ZNF257: variants seen among roughly 807,000 people sequenced by gnomAD.
The protein encoded by ZNF257 is bone marrow zinc finger 4.
ZNF257 carries 12 observed loss-of-function variants against 11.9 expected under a neutral mutation model. That is an observed-to-expected ratio of 1.01 (90% CI 0.65 to 1.63). The LOEUF (loss-of-function observed/expected upper bound fraction) is 1.63, where lower values mean the gene tolerates loss of function less well. ZNF257 is among the 40% of genes most tolerant of loss of function. ZNF257 has a pLI of 0.00. For synonymous variants in ZNF257, 183 were observed against 222.7 expected (o/e 0.82, Z 1.59); for missense variants, 580 against 665.5 (o/e 0.87, Z 1.41).
At chr19:22,067,429 C>A (rs1244053149) in intron 1 of ZNF257, among the ~76,000 whole-genome samples, 1 of 152,046 alleles carries the variant, frequency 6.6e-6, no homozygotes, top group Non-Finnish European at 1.5e-5. Context: ...CCATCCAGAG[C>A]CTAAATCTGC....
chr19:22,059,896 CTTTTTCTAT>C (rs972133500), intron 1 of ZNF257, among the ~76,000 whole-genome samples: 5 of 150,628 alleles, frequency 3.3e-5, no homozygotes, highest in African/African-American at 1.2e-4. Flanking sequence ...TAATTTTTTT[CTTTTTCTAT>C]TTTTTGTAGA....
intron 3 of ZNF257, among the ~76,000 whole-genome samples, chr19:22,085,523 T>A (rs1466093798): frequency 6.6e-6 from 1 of 151,450 alleles, no homozygotes; most frequent in Non-Finnish European, 1.5e-5. Flanking sequence ...TTATACTGCC[T>A]TCAAGTCCAC....
Position 22,052,544 on chromosome 19 carries a change from C to T in ZNF257, c.-89C>T. 6.6e-7 allele frequency: 1 copy of T among 1,510,780 alleles called. No individual in the cohort carries two copies. Among genetic ancestry groups the T allele is most frequent in the Non-Finnish European group, 9.1e-7 (1 of 1,097,100 alleles). 93.6% of individuals were successfully genotyped at this position (1,510,780 alleles called of 1,614,324 possible). A position where few individuals can be genotyped will look rare whatever the true frequency, so the allele number is the denominator to read the frequency against. Reference sequence around the variant, plus strand: ...CGTCTTCCCTGGTCTGTGTCCTCTTCTCCTAGGGGCCCAGCCTCTGTGGCC... The same window carrying T: ...CGTCTTCCCTGGTCTGTGTCCTCTTTTCCTAGGGGCCCAGCCTCTGTGGCC... On this transcript the variant is annotated 5_prime_UTR_variant, in exon 1 of 4. Coordinates refer to ENST00000594947, the MANE Select transcript of ZNF257 (RefSeq NM_033468.4).
intron 3 of ZNF257, among the ~76,000 whole-genome samples, chr19:22,078,886 G>A (rs373679763): frequency 1.4e-4 from 21 of 149,328 alleles, no homozygotes; most frequent in Middle Eastern, 6.9e-3. Context: ...TCCACCTCCC[G>A]GGTTCAAGTG....
chr19:22,062,266 C>T (rs1387442035), intron 1 of ZNF257, among the ~76,000 whole-genome samples: 1 of 134,756 alleles, frequency 7.4e-6, no homozygotes, highest in East Asian at 2.3e-4. Context: ...CGCTCTGTTG[C>T]CCAGTCTGGA....
At chr19:22,082,130 T>G (rs1451888899) in intron 3 of ZNF257, among the ~76,000 whole-genome samples, 1 of 152,186 alleles carries the variant, frequency 6.6e-6, no homozygotes, top group Non-Finnish European at 1.5e-5. Context: ...ATTTTTGTTA[T>G]TAATATTACA....
intron 3 of ZNF257, among the ~76,000 whole-genome samples, chr19:22,082,221 C>A (rs2022375704): frequency 6.6e-6 from 1 of 152,050 alleles, no homozygotes; most frequent in African/African-American, 2.4e-5. Flanking sequence ...ATTTTATGCA[C>A]CATCATTATA....
chr19:22,080,199 C>G (rs578217035), intron 3 of ZNF257, among the ~76,000 whole-genome samples: 1 of 152,138 alleles, frequency 6.6e-6, no homozygotes, highest in Non-Finnish European at 1.5e-5. Context: ...AGCCTGGTCT[C>G]AAACTTCTGG....
chr19:22,061,163 G>A (rs895045939), intron 1 of ZNF257, among the ~76,000 whole-genome samples: 1 of 151,738 alleles, frequency 6.6e-6, no homozygotes, highest in Non-Finnish European at 1.5e-5. Flanking sequence ...TGTTAAGAAT[G>A]TTTTTGGTAG....
At chr19:22,073,058 A>G (rs546060177) in intron 2 of ZNF257, 123 bp downstream of exon 2, 1 of 1,161,084 alleles carries the variant, frequency 8.6e-7, no homozygotes, top group Non-Finnish European at 1.2e-6. Flanking sequence ...TTTTGCATAA[A>G]TGAGTTTCAT....
chr19:22,091,018 T>G lies in ZNF257; in HGVS notation c.*1576T>G, dbSNP rs1347713679. On this transcript the variant is annotated 3_prime_UTR_variant, in exon 4 of 4. Coordinates refer to ENST00000594947, the MANE Select transcript of ZNF257 (RefSeq NM_033468.4). ...TATGAGAGAAAAACATTTTTAATTT[T>G]AGTTAAATGTAAGTTAAAATTAAAA... is the stretch of plus-strand genomic sequence containing the variant. 1 of 152,190 alleles carries G rather than the reference T, an allele frequency of 6.6e-6. No individual in the cohort carries two copies. The highest frequency in any genetic ancestry group is 1.5e-5 in the Non-Finnish European group (1 of 68,044). 9.4% of individuals were successfully genotyped at this position (152,190 alleles called of 1,614,324 possible).
intron 1 of ZNF257, among the ~76,000 whole-genome samples, chr19:22,071,920 T>G (rs1239944737): frequency 6.6e-6 from 1 of 152,142 alleles, no homozygotes; most frequent in Non-Finnish European, 1.5e-5. Context: ...ATGGCATTTA[T>G]TACCCAGAAA....
At chr19:22,087,698 G>A in intron 3 of ZNF257, 1 of 721,188 alleles carries the variant, frequency 1.4e-6, no homozygotes. Context: ...TACTGTGTTG[G>A]GTTAATATAA....
At chr19:22,084,293 TTA>T (rs2022425142) in intron 3 of ZNF257, among the ~76,000 whole-genome samples, 1 of 152,046 alleles carries the variant, frequency 6.6e-6, no homozygotes, top group East Asian at 1.9e-4. Flanking sequence ...AAATGACTCT[TTA>T]TATGACCATA....
intron 1 of ZNF257, among the ~76,000 whole-genome samples, chr19:22,059,147 C>T (rs984417510): frequency 6.6e-6 from 1 of 152,072 alleles, no homozygotes; most frequent in Admixed American, 6.6e-5. Context: ...GATTTTTTTC[C>T]TTTTAACTTT....
intron 3 of ZNF257, among the ~76,000 whole-genome samples, chr19:22,077,360 A>G (rs770294905): frequency 8.5e-5 from 13 of 152,084 alleles, no homozygotes; most frequent in Non-Finnish European, 1.6e-4. Context: ...GTACATTCAC[A>G]TTGTTATACA....
intron 1 of ZNF257, 37 bp downstream of exon 1, chr19:22,052,672 A>G: frequency 1.2e-6 from 2 of 1,603,264 alleles, no homozygotes; most frequent in Non-Finnish European, 8.5e-7. Context: ...GGAGAGGGGA[A>G]GGGGGTGGTT....
chr19:22,052,778 T>G, intron 1 of ZNF257, 143 bp downstream of exon 1: 1 of 941,188 alleles, frequency 1.1e-6, no homozygotes, highest in Non-Finnish European at 1.6e-6. Flanking sequence ...TCGGCCTCGG[T>G]CCCCCTCAGC....
chr19:22,070,315 T>G (rs1455671680), intron 1 of ZNF257, among the ~76,000 whole-genome samples: 1 of 151,766 alleles, frequency 6.6e-6, no homozygotes. Flanking sequence ...CATCTATCTA[T>G]TTAGCTTTAT....
Sources: allele counts gnomAD v4.1 joint callset (sites outside exome capture counted in the v4.1 genomes callset), GRCh38; gene constraint gnomAD v4.1.1; transcripts MANE v1.5; gene names NCBI Gene and HGNC (gene_info 2026-07-23, HGNC 2026-07-21).